The following KCNQ5 variants were observed in gnomAD, a reference collection of about 807,000 sequenced individuals.
KCNQ5 encodes potassium voltage-gated channel subfamily KQT member 5.
KCNQ5 carries 30 observed loss-of-function variants against 98.2 expected under a neutral mutation model. The ratio of observed to expected loss-of-function variants is 0.31; its 90% CI spans 0.23 to 0.41. The LOEUF (loss-of-function observed/expected upper bound fraction) is 0.41. Among genes scored for constraint, KCNQ5 ranks in the 10% least tolerant of loss-of-function variants. The pLI, the probability that KCNQ5 is intolerant of heterozygous loss-of-function variation, is 1.00. For missense variants in KCNQ5, 835 were observed against 1,182.5 expected (o/e 0.71, Z 4.31); for synonymous variants, 458 against 449.4 (o/e 1.02, Z -0.24).
chr6:73,169,040 A>G (rs1777906108), intron 10 of KCNQ5, among the ~76,000 whole-genome samples: 1 of 152,262 alleles, frequency 6.6e-6, no homozygotes, highest in Non-Finnish European at 1.5e-5. Flanking sequence ...TACTGAAAAC[A>G]GAAATGCAAT....
chr6:73,169,639 A>C (rs1275190251), intron 10 of KCNQ5, 107 bp from the exon 11 acceptor site: 5 of 773,014 alleles, frequency 6.5e-6, no homozygotes, highest in Non-Finnish European at 1.1e-5. Flanking sequence ...ATCTTGGTTT[A>C]TCAGCTTACT....
chr6:72,899,834 C>G (rs1779409812), intron 1 of KCNQ5, among the ~76,000 whole-genome samples: 1 of 151,670 alleles, frequency 6.6e-6, no homozygotes, highest in Non-Finnish European at 1.5e-5. Context: ...CCAAAGTCCA[C>G]TGTATCATTC....
chr6:72,786,754 C>T (rs984348807), intron 1 of KCNQ5, among the ~76,000 whole-genome samples: 1 of 152,058 alleles, frequency 6.6e-6, no homozygotes, highest in African/African-American at 2.4e-5. Context: ...CGCCTGTAAT[C>T]CCTGCACTTT....
intron 2 of KCNQ5, among the ~76,000 whole-genome samples, chr6:73,022,030 G>A (rs1770629938): frequency 6.6e-6 from 1 of 151,882 alleles, no homozygotes; most frequent in Admixed American, 6.6e-5. Flanking sequence ...GCACATTAAA[G>A]AATAATAGTA....
intron 2 of KCNQ5, 49 bp downstream of exon 2, chr6:73,004,047 C>A: frequency 9.4e-7 from 1 of 1,063,676 alleles, no homozygotes. Context: ...ATAAGAACTG[C>A]CTATAACATT....
At chr6:73,152,434 A>G (rs1401062162) in intron 10 of KCNQ5, among the ~76,000 whole-genome samples, 1 of 151,940 alleles carries the variant, frequency 6.6e-6, no homozygotes, top group Non-Finnish European at 1.5e-5. Context: ...CATTTCTGCT[A>G]TCATTTCTAA....
At chr6:72,841,556 A>T (rs1309542283) in intron 1 of KCNQ5, among the ~76,000 whole-genome samples, 1 of 152,222 alleles carries the variant, frequency 6.6e-6, no homozygotes, top group East Asian at 1.9e-4. Context: ...ATTCTTTCTC[A>T]TGCATATTCC....
At chr6:73,023,860 T>G (rs1324833583) in intron 2 of KCNQ5, among the ~76,000 whole-genome samples, 1 of 152,196 alleles carries the variant, frequency 6.6e-6, no homozygotes, top group Admixed American at 6.5e-5. Flanking sequence ...CTGGGAACCA[T>G]TCTTAAACCT....
intron 1 of KCNQ5, among the ~76,000 whole-genome samples, chr6:72,803,285 A>T (rs1378150189): frequency 1.3e-5 from 2 of 152,182 alleles, no homozygotes; most frequent in African/African-American, 2.4e-5. Flanking sequence ...TGCATAATAG[A>T]CTCAACAAAA....
At chr6:73,064,657 G>A (rs1280820392) in intron 3 of KCNQ5, among the ~76,000 whole-genome samples, 3 of 152,056 alleles carry the variant, frequency 2.0e-5, no homozygotes, top group Non-Finnish European at 4.4e-5. Flanking sequence ...TGGTATCAAC[G>A]TGCAAAATTG....
At chr6:73,062,162 G>T (rs1772809570) in intron 3 of KCNQ5, among the ~76,000 whole-genome samples, 1 of 152,122 alleles carries the variant, frequency 6.6e-6, no homozygotes, top group Admixed American at 6.5e-5. Flanking sequence ...AAGGGCTTTT[G>T]AAGCTTTCTT....
chr6:72,823,175 A>G (rs991327768), intron 1 of KCNQ5, among the ~76,000 whole-genome samples: 1 of 152,174 alleles, frequency 6.6e-6, no homozygotes, highest in African/African-American at 2.4e-5. Flanking sequence ...AACTACGTGT[A>G]ATACTTTTCA....
intron 6 of KCNQ5, among the ~76,000 whole-genome samples, chr6:73,109,475 T>C (rs1463710480): frequency 6.6e-6 from 1 of 152,200 alleles, no homozygotes; most frequent in Non-Finnish European, 1.5e-5. Context: ...GAAATTTTGG[T>C]ATTTCATATT....
intron 1 of KCNQ5, among the ~76,000 whole-genome samples, chr6:72,682,912 C>T (rs1288529201): frequency 1.3e-5 from 2 of 152,112 alleles, no homozygotes; most frequent in Non-Finnish European, 2.9e-5. Flanking sequence ...AGCCTCTTTA[C>T]GTTTTTATGT....
chr6:72,982,738 C>T (rs892174980), intron 1 of KCNQ5, among the ~76,000 whole-genome samples: 2 of 151,880 alleles, frequency 1.3e-5, no homozygotes, highest in Non-Finnish European at 1.5e-5. Flanking sequence ...GTTATTTTGC[C>T]CATTAGTTGA....
chr6:72,919,412 G>A (rs1780296557), intron 1 of KCNQ5, among the ~76,000 whole-genome samples: 1 of 152,186 alleles, frequency 6.6e-6, no homozygotes, highest in Non-Finnish European at 1.5e-5. Flanking sequence ...GAGTGGTTGA[G>A]TGCTAACAAC....
intron 1 of KCNQ5, among the ~76,000 whole-genome samples, chr6:72,649,439 A>G (rs1379095204): frequency 6.6e-6 from 1 of 152,132 alleles, no homozygotes; most frequent in Non-Finnish European, 1.5e-5. Context: ...TCCAGTGAAG[A>G]TAACTAATGG....
intron 1 of KCNQ5, among the ~76,000 whole-genome samples, chr6:72,921,776 A>C (rs964200509): frequency 2.0e-5 from 3 of 152,204 alleles, no homozygotes; most frequent in South Asian, 2.1e-4. Context: ...TAGAGTCTTG[A>C]AGTGGACATT....
intron 11 of KCNQ5, among the ~76,000 whole-genome samples, chr6:73,184,002 A>G (rs547823545): frequency 6.6e-6 from 1 of 152,316 alleles, no homozygotes; most frequent in Non-Finnish European, 1.5e-5. Context: ...TGTTTTCTTG[A>G]TGGTCTTATA....
Sources: allele counts gnomAD v4.1 joint callset (sites outside exome capture counted in the v4.1 genomes callset), GRCh38; gene constraint gnomAD v4.1.1; transcripts MANE v1.5; gene names NCBI Gene and HGNC (gene_info 2026-07-23, HGNC 2026-07-21).